ADAMTS16: variants seen among roughly 807,000 people sequenced by gnomAD.
ADAMTS16 encodes the protein ADAM metallopeptidase with thrombospondin type 1 motif 16, also known as A disintegrin and metalloproteinase with thrombospondin motifs 16.
In ADAMTS16, 94 loss-of-function variants were observed where a neutral mutation model predicts 145.8. That is an observed-to-expected ratio of 0.64 (90% CI 0.55 to 0.77). ADAMTS16 has a LOEUF of 0.77. Ranked by LOEUF, ADAMTS16 falls within the 30% of genes least tolerant of loss-of-function variation. The probability of loss-of-function intolerance (pLI) is 0.00; values close to 1 mark genes in which losing one functional copy is unlikely to be tolerated. For synonymous variants in ADAMTS16, 659 were observed against 604.3 expected (o/e 1.09, Z -1.33); for missense variants, 1,585 against 1,591.5 (o/e 1.00, Z 0.07).
chr5:5,291,553 G>A (rs1337014250), intron 18 of ADAMTS16, among the ~76,000 whole-genome samples: 1 of 152,206 alleles, frequency 6.6e-6, no homozygotes, highest in African/African-American at 2.4e-5. Context: ...AGAGAATGGA[G>A]ACATTGGTGT....
intron 16 of ADAMTS16, among the ~76,000 whole-genome samples, chr5:5,240,784 C>T (rs2126388716): frequency 6.6e-6 from 1 of 152,270 alleles, no homozygotes; most frequent in East Asian, 1.9e-4. Context: ...CATCTCCTGT[C>T]CTGCCCCTGA....
At chr5:5,305,751 G>A (rs1054413915) in intron 20 of ADAMTS16, among the ~76,000 whole-genome samples, 1 of 152,218 alleles carries the variant, frequency 6.6e-6, no homozygotes, top group African/African-American at 2.4e-5. Context: ...TTCAGCCAGA[G>A]GTCCACTGGA....
chr5:5,161,306 T>G (rs1734739401), intron 3 of ADAMTS16, among the ~76,000 whole-genome samples: 1 of 152,210 alleles, frequency 6.6e-6, no homozygotes, highest in Admixed American at 6.5e-5. Context: ...TTGGATACTT[T>G]CAAGAGGTCA....
intron 22 of ADAMTS16, 97 bp downstream of exon 22, chr5:5,318,378 G>T: frequency 8.4e-7 from 1 of 1,191,896 alleles, no homozygotes; most frequent in Non-Finnish European, 1.1e-6. Context: ...AGGGTCTTGC[G>T]TCTGATCTAC....
chr5:5,234,941 CA>C lies in ADAMTS16; in HGVS notation c.1851-71del, dbSNP rs1334837042. ...TCTAACACTCTTAGCTTCATCTCTC[CA>C]ATAAGCCTAATTTTAAAGAATTTAG... On this transcript the variant is annotated intron_variant, in intron 12 of 22. Transcript: ENST00000274181. The C allele has an allele frequency of 3.0e-6, 4 of 1,322,774 alleles. No homozygotes were observed. In the East Asian group the frequency reaches 7.9e-5, roughly 26 times the overall value. The allele number at this position is 1,322,774 out of a possible 1,614,324, so 81.9% of individuals were successfully genotyped here.
At chr5:5,260,337 ATTC>A (rs1414055856) in intron 17 of ADAMTS16, among the ~76,000 whole-genome samples, 20 of 152,294 alleles carry the variant, frequency 1.3e-4, no homozygotes, top group Middle Eastern at 3.4e-3. Context: ...TCATAGAAAT[ATTC>A]TTCTTCAAGA....
At chr5:5,206,737 C>T (rs1736135263) in intron 9 of ADAMTS16, among the ~76,000 whole-genome samples, 1 of 152,102 alleles carries the variant, frequency 6.6e-6, no homozygotes, top group Non-Finnish European at 1.5e-5. Context: ...CTTCCTCAGC[C>T]TCCCTAAGTG....
intron 18 of ADAMTS16, among the ~76,000 whole-genome samples, chr5:5,275,389 C>T (rs1021380075): frequency 5.3e-5 from 8 of 151,914 alleles, no homozygotes; most frequent in Non-Finnish European, 8.8e-5. Context: ...AAATATTTCC[C>T]GTGAGAATCA....
In ADAMTS16 at chr5:5,140,630, C is replaced by A. The variant is rs1454359705; in HGVS notation, c.73-34C>A. The stretch of plus-strand genomic sequence containing the variant: ...GCGGCTCCTCTCCCGCGGACCCCGC[C>A]GTCTCACCGCGATGTCGCCGCTGTT... On this transcript the variant is annotated intron_variant, in intron 1 of 22. Coordinates refer to ENST00000274181, the MANE Select transcript of ADAMTS16 (RefSeq NM_139056.4). The A allele has an allele frequency of 3.9e-6, 6 of 1,530,956 alleles. No individual in the cohort carries two copies. The African/African-American group carries it at 6.9e-5, about 18-fold the overall frequency. 94.8% of individuals were successfully genotyped at this position (1,530,956 alleles called of 1,614,324 possible).
At position 5,140,775 on chromosome 5, in the gene ADAMTS16, G is replaced by C. The variant is rs772050211; in HGVS notation, c.175+9G>C. The C allele has an allele frequency of 6.4e-7, 1 of 1,550,420 alleles. No homozygotes were observed. The highest frequency in any genetic ancestry group is 8.7e-7 in the Non-Finnish European group (1 of 1,147,920). ...CTGGATGGAAAAGGGCGGTAAGTCC[G>C]TGAGGTGGGGGCTTCTAATCCTTGC... On this transcript the variant is annotated intron_variant, in intron 2 of 22. Coordinates refer to ENST00000274181, the MANE Select transcript of ADAMTS16 (RefSeq NM_139056.4).
intron 18 of ADAMTS16, among the ~76,000 whole-genome samples, chr5:5,267,454 A>C (rs1041089499): frequency 5.3e-5 from 8 of 152,240 alleles, no homozygotes. Context: ...ATGGGGAGCC[A>C]GAAAGGGGAT....
In ADAMTS16 at chr5:5,303,710, C is replaced by A. The variant is rs1181037718; in HGVS notation, c.3130C>A (p.Leu1044Ile). The change falls in exon 20 of 23, where the codon CTT becomes ATT. Residue 1044 changes from leucine to isoleucine, a missense_variant. By Grantham distance (5) the Leu-to-Ile change is conservative. Coordinates refer to ENST00000274181, the MANE Select transcript of ADAMTS16 (RefSeq NM_139056.4). ...GCCCAGGATGCATGAAGCCTGTCTG[C>A]TTCAGCGCTGCCACAAGCCCAAGAA... The part of the protein sequence containing the change: ...PKPRMHEACL[L>I]QRCHKPKKLQ... 1.2e-6 allele frequency: 2 copies of A among 1,613,422 alleles called. No homozygotes were observed. The highest frequency in any genetic ancestry group is 1.7e-6 in the Non-Finnish European group (2 of 1,180,042).
chr5:5,181,940 A>G, intron 3 of ADAMTS16, 104 bp from the exon 4 acceptor site: 1 of 1,328,856 alleles, frequency 7.5e-7, no homozygotes, highest in South Asian at 1.4e-5. Flanking sequence ...AGGGAACAGC[A>G]TGCTTCCAAG....
At chr5:5,247,135 C>G (rs1222337528) in intron 17 of ADAMTS16, among the ~76,000 whole-genome samples, 1 of 152,086 alleles carries the variant, frequency 6.6e-6, no homozygotes, top group Non-Finnish European at 1.5e-5. Context: ...TGAGATCTTC[C>G]CCATCCTCAC....
intron 18 of ADAMTS16, among the ~76,000 whole-genome samples, chr5:5,275,193 C>T (rs1385674346): frequency 6.6e-6 from 1 of 152,142 alleles, no homozygotes; most frequent in Non-Finnish European, 1.5e-5. Flanking sequence ...CACCATTGCT[C>T]TATTCTCTGA....
At chr5:5,243,133 A>G (rs912550469) in intron 17 of ADAMTS16, among the ~76,000 whole-genome samples, 2 of 152,276 alleles carry the variant, frequency 1.3e-5, no homozygotes, top group African/African-American at 4.8e-5. Context: ...TGAAGAAACT[A>G]AAGGAAAACT....
intron 11 of ADAMTS16, among the ~76,000 whole-genome samples, chr5:5,232,119 A>G (rs1736943980): frequency 6.6e-6 from 1 of 152,174 alleles, no homozygotes; most frequent in Non-Finnish European, 1.5e-5. Context: ...GAGATCAGAC[A>G]TTTGAAAATG....
chr5:5,168,588 TTA>T (rs1734948764), intron 3 of ADAMTS16, among the ~76,000 whole-genome samples: 1 of 74,340 alleles, frequency 1.3e-5, no homozygotes. Flanking sequence ...ATATATTATA[TTA>T]TATATAATAT....
intron 18 of ADAMTS16, among the ~76,000 whole-genome samples, chr5:5,293,840 G>T (rs1371056384): frequency 7.9e-5 from 12 of 152,212 alleles, no homozygotes; most frequent in Admixed American, 7.8e-4. Flanking sequence ...AGCAACACCA[G>T]AGATTTGCCA....
Sources: allele counts gnomAD v4.1 joint callset (sites outside exome capture counted in the v4.1 genomes callset), GRCh38; gene constraint gnomAD v4.1.1; transcripts MANE v1.5; gene names NCBI Gene and HGNC (gene_info 2026-07-23, HGNC 2026-07-21).